The following MDN1 variants were observed in gnomAD, a reference collection of about 807,000 sequenced individuals.
The protein encoded by MDN1 is midasin AAA ATPase 1.
MDN1 carries 266 observed loss-of-function variants against 669.2 expected under a neutral mutation model. The observed-to-expected ratio is 0.40, with a 90% confidence interval of 0.36 to 0.44. MDN1 has a LOEUF of 0.44. MDN1 is among the 20% of genes least tolerant of loss of function. The pLI, the probability that MDN1 is intolerant of heterozygous loss-of-function variation, is 1.00. For synonymous variants in MDN1, 2,385 were observed against 2,457.1 expected (o/e 0.97, Z 0.87); for missense variants, 5,940 against 6,754.0 (o/e 0.88, Z 4.22).
chr6:89,696,233 G>A (rs1812727929), intron 60 of MDN1, 127 bp downstream of exon 60: 1 of 1,127,978 alleles, frequency 8.9e-7, no homozygotes, highest in Middle Eastern at 2.9e-4. Flanking sequence ...GCTGATTCAG[G>A]CAGAAAATAC....
At chr6:89,766,550 A>G (rs909995539) in intron 15 of MDN1, among the ~76,000 whole-genome samples, 7 of 152,218 alleles carry the variant, frequency 4.6e-5, no homozygotes, top group Non-Finnish European at 8.8e-5. Flanking sequence ...CGTCTTCTGC[A>G]GAAAGGCACC....
In MDN1 at chr6:89,756,199, A is replaced by G. The variant is rs1038280169; in HGVS notation, c.2816+78T>C. 4.8e-6 allele frequency: 3 copies of G among 619,782 alleles called. No individual in the cohort carries two copies. The African/African-American group carries it at 5.7e-5, about 12-fold the overall frequency. 38.4% of individuals were successfully genotyped at this position (619,782 alleles called of 1,614,324 possible). ...TCAAGTTAGAAGTAAAAAAGAATAC[A>G]TATTTGTGTGTGTGCACGAGTAGCA... On this transcript the variant is annotated intron_variant, in intron 20 of 101. Coordinates refer to ENST00000369393, the MANE Select transcript of MDN1 (RefSeq NM_014611.3).
chr6:89,811,063 T>C (rs1768382906), intron 1 of MDN1, among the ~76,000 whole-genome samples: 2 of 152,230 alleles, frequency 1.3e-5, no homozygotes, highest in South Asian at 4.1e-4. Context: ...TAGGGTCACA[T>C]TCAGGTATTA....
At position 89,695,935 on chromosome 6, in the gene MDN1, T is replaced by C; in HGVS notation, c.9441A>G (p.Ala3147=). ...GCCGCCGGGACTCTGGGAGCAGCTC[T>C]GCTAGGCCTGCCAGGTGCCGGAACA... ...QVLFRHLAGL[A]ELLPESRRQE... is the part of the protein sequence containing the mutation. Residue 3147 remains alanine, a synonymous_variant, in exon 61 of 102, where the codon GCA becomes GCG. Coordinates refer to ENST00000369393, the MANE Select transcript of MDN1 (RefSeq NM_014611.3). This position sits in a 1 kb window ranked among gnomAD's most constrained non-coding sequence, Gnocchi z 4.1. The C allele has an allele frequency of 6.2e-7, 1 of 1,612,318 alleles. No homozygotes were observed. The highest frequency in any genetic ancestry group is 8.5e-7 in the Non-Finnish European group (1 of 1,179,826).
intron 50 of MDN1, among the ~76,000 whole-genome samples, chr6:89,709,178 C>A (rs974224046): frequency 2.0e-5 from 3 of 152,112 alleles, no homozygotes; most frequent in Non-Finnish European, 4.4e-5. Context: ...CTGACATTCT[C>A]CAGAAGTTGT....
chr6:89,693,177 T>C (rs1205524992), intron 62 of MDN1, 29 bp from the exon 63 acceptor site: 1 of 1,478,194 alleles, frequency 6.8e-7, no homozygotes, highest in Non-Finnish European at 9.1e-7. Flanking sequence ...AATATGCCAA[T>C]TATGTCAGAA....
chr6:89,783,441 T>C (rs907883531), intron 9 of MDN1, among the ~76,000 whole-genome samples: 12 of 152,190 alleles, frequency 7.9e-5, no homozygotes, highest in African/African-American at 2.9e-4. Flanking sequence ...TTGTTTAAGA[T>C]GTTTATCAAG....
chr6:89,778,330 T>C lies in MDN1; in HGVS notation c.1726-1635A>G, dbSNP rs556974747. Among the ~76,000 whole-genome samples, 3 of 152,206 alleles carry C rather than the reference T, an allele frequency of 2.0e-5. No homozygotes were observed. In the East Asian group the frequency reaches 5.8e-4, roughly 29 times the overall value. ...TTTTTAACAAGAAGAATCTAGTCCT[T>C]TTAAAATTAAAATATATTTTAAAGC... On this transcript the variant is annotated intron_variant, in intron 11 of 101. Transcript: ENST00000369393.
intron 1 of MDN1, among the ~76,000 whole-genome samples, chr6:89,807,511 T>C (rs1768097356): frequency 6.6e-6 from 1 of 152,246 alleles, no homozygotes; most frequent in Non-Finnish European, 1.5e-5. Context: ...ATTTTTAAGA[T>C]GTTATTTATT....
intron 22 of MDN1, among the ~76,000 whole-genome samples, chr6:89,753,148 C>CA (rs1418014666): frequency 2.0e-5 from 3 of 151,470 alleles, no homozygotes; most frequent in African/African-American, 4.8e-5. Context: ...CAAAACAAAA[C>CA]AAAAAAACAA....
intron 14 of MDN1, 87 bp downstream of exon 14, chr6:89,772,486 G>T (rs1399541868): frequency 2.0e-6 from 3 of 1,470,612 alleles, no homozygotes; most frequent in Non-Finnish European, 2.8e-6. Flanking sequence ...TAAACTCTGT[G>T]GTCTTTGGAT....
chr6:89,770,704 T>C (rs1011576440), intron 15 of MDN1, among the ~76,000 whole-genome samples: 1 of 152,142 alleles, frequency 6.6e-6, no homozygotes, highest in Non-Finnish European at 1.5e-5. Flanking sequence ...GATTTCATCA[T>C]GTTGGCCAGG....
chr6:89,702,201 G>T, intron 53 of MDN1, 140 bp from the exon 54 acceptor site: 1 of 752,656 alleles, frequency 1.3e-6, no homozygotes, highest in Non-Finnish European at 2.0e-6. Context: ...GCTAATCAAT[G>T]CTCAATTTAC....
rs1423325619 is a variant in MDN1, at chr6:89,643,135, G to A, written c.*870C>T. ...AAATAGATGGAGCTGCTGAGTTCTGGACACAGCGTTTCTTTCCCAGAATGA... is the reference window on the plus strand; with the variant it reads ...AAATAGATGGAGCTGCTGAGTTCTGAACACAGCGTTTCTTTCCCAGAATGA... On this transcript the variant is annotated 3_prime_UTR_variant, in exon 102 of 102. Coordinates refer to ENST00000369393, the MANE Select transcript of MDN1 (RefSeq NM_014611.3). 1 of 152,106 alleles carries A rather than the reference G, an allele frequency of 6.6e-6. No individual in the cohort carries two copies. Among genetic ancestry groups the A allele is most frequent in the Non-Finnish European group, 1.5e-5 (1 of 68,034 alleles). 9.4% of individuals were successfully genotyped at this position (152,106 alleles called of 1,614,324 possible).
Position 89,696,404 on chromosome 6 carries a change from C to G in MDN1, c.9339G>C (p.Ser3113=). The G allele has an allele frequency of 1.2e-6, 2 of 1,614,114 alleles. No homozygotes were observed. The highest frequency in any genetic ancestry group is 1.7e-6 in the Non-Finnish European group (2 of 1,180,008). The part of the protein sequence containing the change: ...ERTQQLQDIS[S]MLWTNMAISS... ...AGATAGCCATGTTAGTCCAAAGCATCGAACTGATGTCCTGGAGCTGCTGAG... is the reference window on the plus strand; with the variant it reads ...AGATAGCCATGTTAGTCCAAAGCATGGAACTGATGTCCTGGAGCTGCTGAG... Residue 3113 remains serine, a synonymous_variant, in exon 60 of 102, where the codon TCG becomes TCC. Coordinates refer to ENST00000369393, the MANE Select transcript of MDN1 (RefSeq NM_014611.3).
Position 89,695,859 on chromosome 6 carries a change from A to G in MDN1, c.9517T>C (p.Phe3173Leu). The change falls in exon 61 of 102, where the codon TTC becomes CTC. Residue 3173 changes from phenylalanine to leucine, a missense_variant. Phe to Leu is a conservative substitution (Grantham distance 22). This residue lies in a region of MDN1 where 2,292 missense variants were observed against 2,638.3 expected (regional missense o/e 0.87). Transcript: ENST00000369393. This position sits in a 1 kb window ranked among gnomAD's most constrained non-coding sequence, Gnocchi z 4.1. ...EQLLLGSSQAFQHVGQTLGDM... is the reference protein window; with the variant it reads ...EQLLLGSSQALQHVGQTLGDM... The stretch of plus-strand genomic sequence containing the variant: ...CCAAGTGTCTGGCCCACATGCTGGA[A>G]GGCCTGGCTGCTCCCAAGCAGCAGC... The G allele has an allele frequency of 6.2e-7, 1 of 1,613,620 alleles. No individual in the cohort carries two copies. Among genetic ancestry groups the G allele is most frequent in the East Asian group, 2.2e-5 (1 of 44,868 alleles).
intron 69 of MDN1, among the ~76,000 whole-genome samples, chr6:89,686,232 C>T (rs1584187181): frequency 6.6e-6 from 1 of 152,138 alleles, no homozygotes; most frequent in Non-Finnish European, 1.5e-5. Context: ...CAAAACCAGC[C>T]TTGCCAACAT....
chr6:89,651,165 A>AAC (rs904970013), intron 95 of MDN1, among the ~76,000 whole-genome samples: 8 of 150,830 alleles, frequency 5.3e-5, no homozygotes, highest in Non-Finnish European at 1.2e-4. Flanking sequence ...AAAAAAAAAA[A>AAC]ATACAGAAAA....
In MDN1 at chr6:89,713,252, G is replaced by A. The variant is rs1364749932; in HGVS notation, c.7114C>T (p.Leu2372=). 3 of 1,613,916 alleles carry A rather than the reference G, an allele frequency of 1.9e-6. No individual in the cohort carries two copies. The Admixed American group carries it at 5.0e-5, about 27-fold the overall frequency. Residue 2372 remains leucine (L), a synonymous_variant, in exon 47 of 102, where the codon CTA becomes TTA. Transcript: ENST00000369393. ...CCTCGCTGCAGGTACTGGACAATTA[G>A]TATGGCTGTCTGGATTAGAGTTGAT... is the stretch of plus-strand genomic sequence containing the variant. ...SVSTLIQTAI[L]IVQYLQRGLS...
Sources: gnomAD v4.1 joint callset for allele counts (sites outside exome capture counted in the v4.1 genomes callset) on GRCh38, gnomAD v4.1.1 for gene constraint, gnomAD v4.1.1 regional missense constraint, Gnocchi (gnomAD v3.1) non-coding constraint, MANE v1.5 for transcripts, NCBI Gene and HGNC (gene_info 2026-07-23, HGNC 2026-07-21) for gene names.